Variants in ST8SIA1 observed in about 807,000 individuals in gnomAD.
ST8SIA1 encodes the protein ST8 alpha-N-acetyl-neuraminide alpha-2,8-sialyltransferase 1.
A neutral mutation model predicts 35.9 loss-of-function variants in ST8SIA1; 16 were observed. The ratio of observed to expected loss-of-function variants is 0.45; its 90% CI spans 0.30 to 0.68. The LOEUF (loss-of-function observed/expected upper bound fraction) is 0.68. Among genes scored for constraint, ST8SIA1 ranks in the 30% least tolerant of loss-of-function variants. The pLI, the probability that ST8SIA1 is intolerant of heterozygous loss-of-function variation, is 0.09. For synonymous variants in ST8SIA1, 170 were observed against 169.6 expected (o/e 1.00, Z -0.02); for missense variants, 383 against 453.6 (o/e 0.84, Z 1.41).
intron 2 of ST8SIA1, among the ~76,000 whole-genome samples, chr12:22,258,486 A>C (rs1865752275): frequency 6.6e-6 from 1 of 152,148 alleles, no homozygotes; most frequent in Admixed American, 6.5e-5. Flanking sequence ...TAAAAAAAAA[A>C]AAGTGTCTAA....
rs1377270157 is a variant in ST8SIA1, at chr12:22,334,302, G to A, written c.-70C>T. On this transcript the variant is annotated 5_prime_UTR_variant, in exon 1 of 5. Coordinates refer to ENST00000396037, the MANE Select transcript of ST8SIA1 (RefSeq NM_003034.4). ...AAGCTAGGCGAAGTGGCAGCGGAGG[G>A]TCCCCCACCGCCAGCCCCCCATGCA... 1.6e-6 allele frequency: 2 copies of A among 1,249,040 alleles called. No homozygotes were observed. Among genetic ancestry groups the A allele is most frequent in the Non-Finnish European group, 2.3e-6 (2 of 885,346 alleles). The allele number at this position is 1,249,040 out of a possible 1,614,324, so 77.4% of individuals were successfully genotyped here. A position where few individuals can be genotyped will look rare whatever the true frequency, so the allele number is the denominator to read the frequency against.
intron 1 of ST8SIA1, among the ~76,000 whole-genome samples, chr12:22,290,722 A>G (rs763712416): frequency 1.3e-5 from 2 of 152,350 alleles, no homozygotes; most frequent in Non-Finnish European, 2.9e-5. Context: ...TTGTCAGATT[A>G]AATAATGGAC....
At chr12:22,303,185 T>C (rs1174966610) in intron 1 of ST8SIA1, among the ~76,000 whole-genome samples, 1 of 152,208 alleles carries the variant, frequency 6.6e-6, no homozygotes, top group Non-Finnish European at 1.5e-5. Flanking sequence ...CTGTTGGTGC[T>C]TGGTACCAGC....
At chr12:22,219,974 A>C (rs1865280081) in intron 4 of ST8SIA1, among the ~76,000 whole-genome samples, 1 of 152,210 alleles carries the variant, frequency 6.6e-6, no homozygotes, top group Admixed American at 6.5e-5. Flanking sequence ...AGAGTATCAT[A>C]ACACTCTACA....
At chr12:22,320,146 C>T (rs1327929692) in intron 1 of ST8SIA1, among the ~76,000 whole-genome samples, 1 of 152,074 alleles carries the variant, frequency 6.6e-6, no homozygotes, top group Non-Finnish European at 1.5e-5. Context: ...ATCACATGTA[C>T]CCCAAAGCTA....
chr12:22,222,474 T>C (rs1168505516), intron 4 of ST8SIA1, among the ~76,000 whole-genome samples: 1 of 152,146 alleles, frequency 6.6e-6, no homozygotes, highest in Non-Finnish European at 1.5e-5. Flanking sequence ...GAAAAGACAT[T>C]GAAGAAGTTA....
chr12:22,309,389 G>C (rs1038725004), intron 1 of ST8SIA1, among the ~76,000 whole-genome samples: 9 of 152,124 alleles, frequency 5.9e-5, no homozygotes, highest in Admixed American at 4.6e-4. Flanking sequence ...TATGGAGAAT[G>C]CACAGTAAGG....
At chr12:22,302,291 T>C (rs934016157) in intron 1 of ST8SIA1, among the ~76,000 whole-genome samples, 1 of 152,206 alleles carries the variant, frequency 6.6e-6, no homozygotes, top group Non-Finnish European at 1.5e-5. Flanking sequence ...AACTAACCTT[T>C]GCTTTCTTAA....
chr12:22,303,269 TG>T (rs1866339383), intron 1 of ST8SIA1, among the ~76,000 whole-genome samples: 5 of 152,040 alleles, frequency 3.3e-5, no homozygotes, highest in Admixed American at 3.3e-4. Context: ...AGAGAATCCC[TG>T]ATCTCCCAAA....
intron 1 of ST8SIA1, among the ~76,000 whole-genome samples, chr12:22,291,527 G>GCAT: frequency 6.6e-6 from 1 of 152,298 alleles, no homozygotes; most frequent in Admixed American, 6.5e-5. Flanking sequence ...GCCAGTGCTG[G>GCAT]CATCCCTGAA....
chr12:22,334,008 G>GGCC lies in ST8SIA1; in HGVS notation c.222_224dup (p.Ala75dup). Reference sequence around the variant, plus strand: ...GAGGGCAGGAGTACCTGAACGCTCTGGCCGCGGTCTGGTTCCTCCTCCACG... The same window carrying GGCC: ...GAGGGCAGGAGTACCTGAACGCTCTGGCCGCCGCGGTCTGGTTCCTCCTCCACG... On this transcript the variant is annotated inframe_insertion, in exon 1 of 5. Coordinates refer to ENST00000396037, the MANE Select transcript of ST8SIA1 (RefSeq NM_003034.4). 1 of 1,613,858 alleles carries GGCC rather than the reference G, an allele frequency of 6.2e-7. No homozygotes were observed. Among genetic ancestry groups the GGCC allele is most frequent in the Non-Finnish European group, 8.5e-7 (1 of 1,179,906 alleles).
intron 1 of ST8SIA1, among the ~76,000 whole-genome samples, chr12:22,306,369 A>T (rs1184590862): frequency 6.6e-6 from 1 of 151,994 alleles, no homozygotes; most frequent in African/African-American, 2.4e-5. Flanking sequence ...TCTTTTTTTT[A>T]GTATGCCCTC....
At chr12:22,330,738 A>G (rs1022664016) in intron 1 of ST8SIA1, among the ~76,000 whole-genome samples, 3 of 152,232 alleles carry the variant, frequency 2.0e-5, no homozygotes. Flanking sequence ...ATAAGCACCT[A>G]ATAACTTGTT....
intron 1 of ST8SIA1, chr12:22,333,779 G>C: frequency 1.3e-6 from 1 of 752,842 alleles, no homozygotes; most frequent in Admixed American, 1.8e-5. Context: ...CATGCGCAAA[G>C]CAGGTGTCTG....
chr12:22,235,598 T>C lies in ST8SIA1; in HGVS notation c.584+13408A>G, dbSNP rs190506434. 3.9e-4 allele frequency among the ~76,000 whole-genome samples: 60 copies of C among 152,310 alleles called. No individual in the cohort carries two copies. In the East Asian group the frequency reaches 0.011, roughly 28 times the overall value. ...CTTGCTCAAAGAGGCTCTTGGCATA[T>C]ATGGAATTGGTAAGATAATTAGCCA... On this transcript the variant is annotated intron_variant, in intron 4 of 4. Coordinates refer to ENST00000396037, the MANE Select transcript of ST8SIA1 (RefSeq NM_003034.4).
At chr12:22,205,052 T>G (rs781279502) in intron 4 of ST8SIA1, among the ~76,000 whole-genome samples, 2 of 152,214 alleles carry the variant, frequency 1.3e-5, no homozygotes, top group African/African-American at 2.4e-5. Flanking sequence ...GCTGATCTAG[T>G]CATTGCCCTG....
chr12:22,237,591 C>G (rs1295933570), intron 4 of ST8SIA1, among the ~76,000 whole-genome samples: 1 of 151,152 alleles, frequency 6.6e-6, no homozygotes, highest in East Asian at 1.9e-4. Context: ...TTATTGAAAC[C>G]ATTTATGTAT....
At chr12:22,217,793 A>C (rs1865250623) in intron 4 of ST8SIA1, among the ~76,000 whole-genome samples, 1 of 152,182 alleles carries the variant, frequency 6.6e-6, no homozygotes. Context: ...AAAGCAAGTG[A>C]TGAAAATTTG....
intron 4 of ST8SIA1, among the ~76,000 whole-genome samples, chr12:22,235,304 T>G (rs1179331056): frequency 6.6e-6 from 1 of 152,168 alleles, no homozygotes; most frequent in East Asian, 1.9e-4. Context: ...TATAATCCAA[T>G]GCAATACAAT....
Sources: gnomAD v4.1 joint callset for allele counts (sites outside exome capture counted in the v4.1 genomes callset) on GRCh38, gnomAD v4.1.1 for gene constraint, MANE v1.5 for transcripts, NCBI Gene and HGNC (gene_info 2026-07-23, HGNC 2026-07-21) for gene names.